The following LZTFL1 variants were observed in gnomAD, a reference collection of about 807,000 sequenced individuals.
LZTFL1 encodes the protein leucine zipper transcription factor like 1.
A neutral mutation model predicts 45.9 loss-of-function variants in LZTFL1; 25 were observed. The observed-to-expected ratio is 0.54, with a 90% confidence interval of 0.40 to 0.76. The LOEUF (loss-of-function observed/expected upper bound fraction) is 0.76, where lower values mean the gene tolerates loss of function less well. Ranked by LOEUF, LZTFL1 falls within the 30% of genes least tolerant of loss-of-function variation. The pLI, the probability that LZTFL1 is intolerant of heterozygous loss-of-function variation, is 0.00. For missense variants in LZTFL1, 277 were observed against 331.1 expected, an observed-to-expected ratio of 0.84 and a Z score of 1.27; for synonymous variants, 93 against 117.4, an observed-to-expected ratio of 0.79 and a Z score of 1.35.
chr3:45,852,010 T>C (rs1701317609), intron 4 of LZTFL1, among the ~76,000 whole-genome samples: 1 of 152,202 alleles, frequency 6.6e-6, no homozygotes, highest in South Asian at 2.1e-4. Context: ...TCCTAAAGCA[T>C]TCCTAGTCCT....
chr3:45,849,150 A>C (rs1701269387), intron 4 of LZTFL1, among the ~76,000 whole-genome samples: 1 of 152,234 alleles, frequency 6.6e-6, no homozygotes, highest in South Asian at 2.1e-4. Flanking sequence ...GGATCATGTC[A>C]TGTCAACATA....
At chr3:45,870,410 G>A (rs1416489087) in intron 2 of LZTFL1, among the ~76,000 whole-genome samples, 1 of 152,250 alleles carries the variant, frequency 6.6e-6, no homozygotes, top group African/African-American at 2.4e-5. Flanking sequence ...TGGTAGCACA[G>A]TGTGGCATAG....
At chr3:45,913,212 GCTA>G in intron 1 of LZTFL1, 1 of 1,397,068 alleles carries the variant, frequency 7.2e-7, no homozygotes, top group Non-Finnish European at 9.8e-7. Flanking sequence ...ATTAAACAAT[GCTA>G]CTATTGTTAC....
intron 3 of LZTFL1, chr3:45,855,111 G>C: frequency 7.7e-7 from 1 of 1,300,818 alleles, no homozygotes; most frequent in Non-Finnish European, 1.1e-6. Context: ...ATTATAAGTT[G>C]TATCTTAAAA....
chr3:45,845,602 A>G (rs763427019), upstream of LZTFL1, among the ~76,000 whole-genome samples: 9 of 152,310 alleles, frequency 5.9e-5, no homozygotes, highest in Middle Eastern at 6.8e-3. Context: ...AAAAAGAGAT[A>G]TACTGACAGC....
intron 4 of LZTFL1, among the ~76,000 whole-genome samples, chr3:45,848,627 T>C (rs891961046): frequency 4.6e-5 from 7 of 152,240 alleles, no homozygotes; most frequent in African/African-American, 1.4e-4. Context: ...GGCTACAAAA[T>C]TATTACATTA....
chr3:45,855,529 C>G lies in LZTFL1; in HGVS notation c.-137-455G>C, dbSNP rs551469413. Among the ~76,000 whole-genome samples the G allele has an allele frequency of 5.3e-5, 8 of 152,088 alleles. No individual in the cohort carries two copies. In the East Asian group the frequency reaches 1.3e-3, roughly 26 times the overall value. ...AAACAAGGATGCCCTCTCTCACCAC[C>G]CTTATTCAACATAGTATTGGAAGTC... On this transcript the variant is annotated intron_variant, in intron 3 of 4. Coordinates refer to the LZTFL1 transcript ENST00000472635.
At chr3:45,909,906 G>A (rs1221346982) in intron 2 of LZTFL1, among the ~76,000 whole-genome samples, 4 of 152,220 alleles carry the variant, frequency 2.6e-5, no homozygotes, top group African/African-American at 7.2e-5. Context: ...CTGAGACAAG[G>A]TGGGACCATC....
intron 3 of LZTFL1, among the ~76,000 whole-genome samples, chr3:45,857,670 C>T (rs1701415597): frequency 6.6e-6 from 1 of 152,136 alleles, no homozygotes; most frequent in African/African-American, 2.4e-5. Flanking sequence ...TTAAAACCCG[C>T]TAGAGATGTG....
intron 2 of LZTFL1, among the ~76,000 whole-genome samples, chr3:45,859,419 G>A (rs974465041): frequency 6.6e-5 from 10 of 152,024 alleles, no homozygotes; most frequent in African/African-American, 1.7e-4. Context: ...TAGAGACAGC[G>A]TCTCGCTTTT....
At chr3:45,893,122 G>A (rs1702240168) in intron 2 of LZTFL1, among the ~76,000 whole-genome samples, 1 of 150,648 alleles carries the variant, frequency 6.6e-6, no homozygotes, top group South Asian at 2.1e-4. Context: ...CTGCCCTCCT[G>A]CCCTCCCACA....
chr3:45,849,553 T>C (rs1701275187), intron 4 of LZTFL1, among the ~76,000 whole-genome samples: 1 of 152,232 alleles, frequency 6.6e-6, no homozygotes, highest in Non-Finnish European at 1.5e-5. Context: ...CCATTGAAGC[T>C]AAGACACCAA....
At chr3:45,897,993 A>AAAC (rs1702418533) in intron 2 of LZTFL1, among the ~76,000 whole-genome samples, 1 of 146,270 alleles carries the variant, frequency 6.8e-6, no homozygotes, top group Non-Finnish European at 1.5e-5. Context: ...AAAAAAAAAA[A>AAAC]CACACAAAAC....
intron 3 of LZTFL1, 151 bp from the exon 4 acceptor site, chr3:45,834,449 C>T: frequency 1.9e-6 from 1 of 526,734 alleles, no homozygotes; most frequent in East Asian, 3.0e-5. Flanking sequence ...ATGTTAGTTG[C>T]AAATGGTTGA....
At chr3:45,907,354 C>T (rs1202175187) in intron 2 of LZTFL1, among the ~76,000 whole-genome samples, 2 of 152,248 alleles carry the variant, frequency 1.3e-5, no homozygotes, top group East Asian at 3.9e-4. Flanking sequence ...CCCCTCACCA[C>T]CTGGACGAAC....
rs1700973738 is a variant in LZTFL1 at position 45,836,607 on chromosome 3, A to G, written c.129-823T>C. On this transcript the variant is annotated intron_variant, in intron 2 of 9. Transcript: ENST00000296135. ...AAGGTGGAGGTTGCAGTGAGCCGAC[A>G]TCATGCCACCGCACTCCAGCCTGGG... 2.0e-5 allele frequency among the ~76,000 whole-genome samples: 3 copies of G among 152,242 alleles called. No individual in the cohort carries two copies. The South Asian group carries it at 6.2e-4, about 31-fold the overall frequency.
Sources: gnomAD v4.1 joint callset for allele counts (sites outside exome capture counted in the v4.1 genomes callset) on GRCh38, gnomAD v4.1.1 for gene constraint, MANE v1.5 for transcripts, NCBI Gene and HGNC (gene_info 2026-07-23, HGNC 2026-07-21) for gene names.